MIPOL1: variants seen among roughly 807,000 people sequenced by gnomAD.
MIPOL1 encodes the protein mirror-image polydactyly gene 1 protein.
Under a neutral mutation model 60.9 loss-of-function variants are expected in MIPOL1, and 57 were observed. The ratio of observed to expected loss-of-function variants is 0.94; its 90% CI spans 0.76 to 1.17. The LOEUF (loss-of-function observed/expected upper bound fraction) is 1.17, where lower values mean the gene tolerates loss of function less well. Ranked by LOEUF, MIPOL1 falls within the 50% of genes most tolerant of loss-of-function variation. MIPOL1 has a pLI of 0.00. For synonymous variants in MIPOL1, 179 were observed against 168.8 expected (o/e 1.06, Z -0.47); for missense variants, 551 against 511.6 (o/e 1.08, Z -0.74).
In MIPOL1 at chr14:37,285,353, C is replaced by T. The variant is rs373719056; in HGVS notation, c.529C>T (p.Arg177Cys). Residue 177 changes from arginine to cysteine, a missense_variant, in exon 7 of 13, where the codon CGT becomes TGT. By Grantham distance (180) the Arg-to-Cys change is radical. Coordinates refer to ENST00000684589, the MANE Select transcript of MIPOL1 (RefSeq NM_001388067.1). ...AGAAGTGTATTTTGCGCAGAAGGAA[C>T]GTGATGAAGCTGTTATGTCTAGACT... is the stretch of plus-strand genomic sequence containing the variant. ...VEEVYFAQKE[R>C]DEAVMSRLQL... 4.3e-5 allele frequency: 69 copies of T among 1,613,708 alleles called. No individual in the cohort carries two copies. Among genetic ancestry groups the T allele is most frequent in the Admixed American group, 1.0e-4 (6 of 59,970 alleles).
At chr14:37,291,423 TTTCTAATTA>T (rs2085043564) in intron 7 of MIPOL1, among the ~76,000 whole-genome samples, 1 of 136,868 alleles carries the variant, frequency 7.3e-6, no homozygotes, top group Non-Finnish European at 1.5e-5. Context: ...TTCCATGGTC[TTTCTAATTA>T]ATGTATGTAA....
intron 1 of MIPOL1, among the ~76,000 whole-genome samples, chr14:37,225,209 T>C (rs772618854): frequency 7.2e-5 from 11 of 152,176 alleles, no homozygotes; most frequent in Non-Finnish European, 1.5e-4. Flanking sequence ...TGTCAGTACT[T>C]ACACCATTTT....
chr14:37,389,623 T>C (rs2093176830), intron 10 of MIPOL1, among the ~76,000 whole-genome samples: 1 of 150,774 alleles, frequency 6.6e-6, no homozygotes, highest in Admixed American at 6.7e-5. Context: ...ACTAAAACAG[T>C]TGAAGTGAAG....
chr14:37,402,276 T>C (rs1042670218), intron 10 of MIPOL1, among the ~76,000 whole-genome samples: 6 of 152,174 alleles, frequency 3.9e-5, no homozygotes, highest in Non-Finnish European at 8.8e-5. Flanking sequence ...GCTTACGTAC[T>C]ACAGTCCGAA....
intron 11 of MIPOL1, among the ~76,000 whole-genome samples, chr14:37,497,645 A>G (rs1249419935): frequency 6.6e-6 from 1 of 152,238 alleles, no homozygotes; most frequent in Non-Finnish European, 1.5e-5. Context: ...GTTCAAGGTC[A>G]GCCTGGAAAA....
chr14:37,280,836 T>G (rs1377634324), intron 6 of MIPOL1, among the ~76,000 whole-genome samples: 1 of 152,146 alleles, frequency 6.6e-6, no homozygotes, highest in Non-Finnish European at 1.5e-5. Context: ...TTTTTGTATT[T>G]TTAGTAGAGA....
chr14:37,338,565 T>G (rs1490182882), intron 9 of MIPOL1, among the ~76,000 whole-genome samples: 2 of 151,988 alleles, frequency 1.3e-5, no homozygotes, highest in African/African-American at 4.8e-5. Context: ...TGCGCCACCA[T>G]GCCCAGCTAA....
intron 11 of MIPOL1, among the ~76,000 whole-genome samples, chr14:37,483,023 A>C (rs1281606382): frequency 3.9e-5 from 6 of 152,110 alleles, no homozygotes; most frequent in African/African-American, 1.4e-4. Flanking sequence ...TACCTAACAC[A>C]ATGTAAATGC....
chr14:37,377,307 A>C (rs2092803223), intron 10 of MIPOL1, among the ~76,000 whole-genome samples: 1 of 152,098 alleles, frequency 6.6e-6, no homozygotes, highest in Non-Finnish European at 1.5e-5. Flanking sequence ...GCATCTTTGT[A>C]AAAGTTTTTG....
At chr14:37,199,533 T>A (rs1028296732) in intron 1 of MIPOL1, among the ~76,000 whole-genome samples, 95 of 151,672 alleles carry the variant, frequency 6.3e-4, no homozygotes, top group Middle Eastern at 3.4e-3. Context: ...TTTTTTTTCT[T>A]CTTTTTTTTG....
chr14:37,532,413 G>A lies in MIPOL1; in HGVS notation c.1263-14492G>A, dbSNP rs189090145. 2.0e-3 allele frequency among the ~76,000 whole-genome samples: 309 copies of A among 152,230 alleles called. 1 individual carries two copies. Among genetic ancestry groups the A allele is most frequent in the Admixed American group, 3.9e-3 (60 of 15,292 alleles). On this transcript the variant is annotated intron_variant, in intron 12 of 12. Coordinates refer to ENST00000684589, the MANE Select transcript of MIPOL1 (RefSeq NM_001388067.1). The stretch of plus-strand genomic sequence containing the variant: ...TAATCCTTAATACTAACACTTTAAC[G>A]CATAAAGAAAAGATGTATGTGATTT...
intron 10 of MIPOL1, among the ~76,000 whole-genome samples, chr14:37,420,605 A>G (rs1218822527): frequency 6.6e-6 from 1 of 152,170 alleles, no homozygotes; most frequent in African/African-American, 2.4e-5. Context: ...AATGCATGCA[A>G]CAGATACCCA....
At chr14:37,234,942 A>ATTTTTTTTTTT (rs5807941) in intron 1 of MIPOL1, among the ~76,000 whole-genome samples, 36 of 116,824 alleles carry the variant, frequency 3.1e-4, no homozygotes, top group South Asian at 6.1e-4. Flanking sequence ...CGTACGGCTA[A>ATTTTTTTTTTT]TTTTTTTTTT....
intron 1 of MIPOL1, among the ~76,000 whole-genome samples, chr14:37,245,422 C>T (rs542443902): frequency 6.6e-6 from 1 of 152,170 alleles, no homozygotes; most frequent in African/African-American, 2.4e-5. Context: ...AAGCAATTAA[C>T]TTACAGTGTA....
In MIPOL1 at chr14:37,280,570, G is replaced by A. The variant is rs542552978; in HGVS notation, c.494-4748G>A. Among the ~76,000 whole-genome samples, 6 of 152,250 alleles carry A rather than the reference G, an allele frequency of 3.9e-5. No individual in the cohort carries two copies. In the South Asian group the frequency reaches 1.2e-3, roughly 32 times the overall value. ...AGTTTGCCTTTCTTTGGTGATTAGA[G>A]ATGTTAAGCTTTCTTTATATAACTG... On this transcript the variant is annotated intron_variant, in intron 6 of 12. Coordinates refer to ENST00000684589, the MANE Select transcript of MIPOL1 (RefSeq NM_001388067.1).
At chr14:37,371,900 G>A (rs777868311) in intron 10 of MIPOL1, among the ~76,000 whole-genome samples, 11 of 151,954 alleles carry the variant, frequency 7.2e-5, no homozygotes, top group Non-Finnish European at 1.2e-4. Flanking sequence ...CAAGCTATCT[G>A]GTGAGAACAG....
intron 10 of MIPOL1, among the ~76,000 whole-genome samples, chr14:37,411,217 C>T (rs2093676302): frequency 6.6e-6 from 1 of 152,066 alleles, no homozygotes; most frequent in Non-Finnish European, 1.5e-5. Flanking sequence ...GTTTATTTTG[C>T]ATTATATTTA....
intron 10 of MIPOL1, among the ~76,000 whole-genome samples, chr14:37,413,154 C>T (rs1339008259): frequency 6.6e-6 from 1 of 151,860 alleles, no homozygotes; most frequent in Admixed American, 6.6e-5. Flanking sequence ...TTATTTGTAC[C>T]ATGTATAAAA....
chr14:37,384,726 A>G (rs2093020056), intron 10 of MIPOL1, among the ~76,000 whole-genome samples: 1 of 151,948 alleles, frequency 6.6e-6, no homozygotes, highest in South Asian at 2.1e-4. Context: ...AAATATAAAG[A>G]ATTAATTTTT....
Sources: gnomAD v4.1 joint callset for allele counts (sites outside exome capture counted in the v4.1 genomes callset) on GRCh38, gnomAD v4.1.1 for gene constraint, MANE v1.5 for transcripts, NCBI Gene and HGNC (gene_info 2026-07-23, HGNC 2026-07-21) for gene names.